Variants in NDP observed in about 807,000 individuals in gnomAD.
NDP encodes norrin.
A neutral mutation model predicts 8.4 loss-of-function variants in NDP; 2 were observed. The observed-to-expected ratio is 0.24, with a 90% CI of 0.10 to 0.75. The LOEUF (loss-of-function observed/expected upper bound fraction) is 0.75. Among genes scored for constraint, NDP ranks in the 30% least tolerant of loss-of-function variants. NDP has a pLI of 0.73. For synonymous variants in NDP, 55 were observed against 45.6 expected, an observed-to-expected ratio of 1.21 and a Z score of -0.83; for missense variants, 81 against 110.1, an observed-to-expected ratio of 0.74 and a Z score of 1.18.
At chrX:43,955,556 GC>G (rs753103783) in intron 2 of NDP, among the ~76,000 whole-genome samples, 138 of 112,613 alleles carry the variant, frequency 1.2e-3, no homozygotes, top group African/African-American at 4.3e-3. Flanking sequence ...CTGGTCTTTT[GC>G]CTGTTTGCTC....
chrX:43,961,626 G>A (rs1408947134), intron 1 of NDP, among the ~76,000 whole-genome samples: 10 of 111,426 alleles, frequency 9.0e-5, no homozygotes, highest in Admixed American at 6.6e-4. Flanking sequence ...ATATCTTTTC[G>A]TATTTTTAGA....
intron 2 of NDP, among the ~76,000 whole-genome samples, chrX:43,952,176 A>C (rs1284528400): frequency 1.8e-5 from 2 of 110,916 alleles, no homozygotes; most frequent in Non-Finnish European, 3.8e-5. Flanking sequence ...GTTTTGAGAG[A>C]CTATGCCATA....
At chrX:43,970,593 A>G (rs774078647) in intron 1 of NDP, among the ~76,000 whole-genome samples, 8 of 111,491 alleles carry the variant, frequency 7.2e-5, no homozygotes, top group African/African-American at 2.3e-4. Flanking sequence ...CTGTGTGGCT[A>G]TGATGGAGAC....
intron 1 of NDP, chrX:43,966,449 C>T (rs996224148): frequency 8.9e-6 from 1 of 111,799 alleles, no homozygotes; most frequent in Admixed American, 9.5e-5. Flanking sequence ...CTTCATTTCA[C>T]CCACTCCCTC....
chrX:43,961,088 A>G (rs986447068), intron 1 of NDP, among the ~76,000 whole-genome samples: 3 of 112,747 alleles, frequency 2.7e-5, no homozygotes, highest in Non-Finnish European at 5.6e-5. Flanking sequence ...TAAAAGTCTC[A>G]TTTAAGAGAA....
intron 1 of NDP, among the ~76,000 whole-genome samples, chrX:43,963,737 C>G (rs960479254): frequency 1.3e-4 from 15 of 112,503 alleles, no homozygotes; most frequent in Non-Finnish European, 2.6e-4. Flanking sequence ...CCAATTGGAT[C>G]TAGTCAACTA....
In NDP at chrX:43,948,940, C is replaced by T. The variant is rs1427063657; in HGVS notation, c.*859G>A. ...ATATTAGAGAATGATGCCCGTGACA[C>T]GGCTAAAGCTATAGCACACCCACAA... On this transcript the variant is annotated 3_prime_UTR_variant, in exon 3 of 3. Coordinates refer to ENST00000642620, the MANE Select transcript of NDP (RefSeq NM_000266.4). 8.9e-6 allele frequency: 1 copy of T among 111,886 alleles called. No individual in the cohort carries two copies. The highest frequency in any genetic ancestry group is 1.9e-5 in the Non-Finnish European group (1 of 53,214). 9.2% of individuals were successfully genotyped at this position (111,886 alleles called of 1,213,427 possible).
intron 2 of NDP, among the ~76,000 whole-genome samples, chrX:43,958,245 C>A (rs977309223): frequency 8.9e-6 from 1 of 112,194 alleles, no homozygotes; most frequent in East Asian, 2.8e-4. Context: ...ACAAAGGACA[C>A]CTGTCCCACT....
At chrX:43,970,811 T>C (rs985355261) in intron 1 of NDP, among the ~76,000 whole-genome samples, 1 of 111,450 alleles carries the variant, frequency 9.0e-6, no homozygotes, top group Non-Finnish European at 1.9e-5. Flanking sequence ...CTCACACCCA[T>C]CCCCAATAGA....
chrX:43,952,559 C>A (rs993663487), intron 2 of NDP, among the ~76,000 whole-genome samples: 6 of 111,948 alleles, frequency 5.4e-5, no homozygotes, highest in Non-Finnish European at 1.1e-4. Context: ...GGGCCATTAG[C>A]ACTGTCCATA....
At chrX:43,967,925 A>T (rs1172229171) in intron 1 of NDP, among the ~76,000 whole-genome samples, 1 of 111,374 alleles carries the variant, frequency 9.0e-6, no homozygotes, top group African/African-American at 3.3e-5. Flanking sequence ...TTGTCTGAAA[A>T]ATTCTTAGCT....
chrX:43,957,218 A>G (rs1249409619), intron 2 of NDP, among the ~76,000 whole-genome samples: 1 of 111,187 alleles, frequency 9.0e-6, no homozygotes, highest in Admixed American at 9.6e-5. Flanking sequence ...TGGGCCCACA[A>G]TTTCTGAGCA....
intron 1 of NDP, among the ~76,000 whole-genome samples, chrX:43,963,982 G>A (rs1416693332): frequency 8.9e-6 from 1 of 112,319 alleles, no homozygotes; most frequent in Non-Finnish European, 1.9e-5. Context: ...TATCTCCAAG[G>A]ATGGGCAGGC....
chrX:43,949,297 T>G lies in NDP; in HGVS notation c.*502A>C, dbSNP rs947039388. On this transcript the variant is annotated 3_prime_UTR_variant, in exon 3 of 3. Coordinates refer to ENST00000642620, the MANE Select transcript of NDP (RefSeq NM_000266.4). Reference sequence around the variant, plus strand: ...AACGTAGCTAAACATATCCACATGCTTGGTATCTGGACTTTGAAATCGGTA... The same window carrying G: ...AACGTAGCTAAACATATCCACATGCGTGGTATCTGGACTTTGAAATCGGTA... The G allele has an allele frequency of 1.5e-5, 2 of 130,729 alleles. No individual in the cohort carries two copies. Among genetic ancestry groups the G allele is most frequent in the Admixed American group, 7.8e-5 (1 of 12,834 alleles). 10.8% of individuals were successfully genotyped at this position (130,729 alleles called of 1,213,427 possible). A position where few individuals can be genotyped will look rare whatever the true frequency, so the allele number is the denominator to read the frequency against.
chrX:43,958,694 A>G lies in NDP; in HGVS notation c.-49T>C. ...GAAGAACAGCAGAGGGAGGCAGAGG[A>G]CAAAAAATTGGAAATGGCTTCACCT... On this transcript the variant is annotated 5_prime_UTR_variant, in exon 2 of 3. Coordinates refer to ENST00000642620, the MANE Select transcript of NDP (RefSeq NM_000266.4). 1.8e-6 allele frequency: 2 copies of G among 1,133,630 alleles called. No homozygotes were observed. Among genetic ancestry groups the G allele is most frequent in the Non-Finnish European group, 2.4e-6 (2 of 826,598 alleles). 93.4% of individuals were successfully genotyped at this position (1,133,630 alleles called of 1,213,427 possible).
At chrX:43,969,850 G>T (rs888543289) in intron 1 of NDP, among the ~76,000 whole-genome samples, 1 of 111,768 alleles carries the variant, frequency 8.9e-6, no homozygotes, top group African/African-American at 3.3e-5. Context: ...TGGGAGCAGT[G>T]GTGAGCAAAA....
chrX:43,956,721 G>T (rs1294947060), intron 2 of NDP, among the ~76,000 whole-genome samples: 3 of 112,029 alleles, frequency 2.7e-5, no homozygotes, highest in African/African-American at 9.7e-5. Flanking sequence ...AGTTTGGGAT[G>T]TTTGAAAACA....
At chrX:43,954,168 A>G (rs1253222865) in intron 2 of NDP, among the ~76,000 whole-genome samples, 3 of 112,077 alleles carry the variant, frequency 2.7e-5, no homozygotes, top group African/African-American at 6.5e-5. Context: ...AACCTCAGGA[A>G]CAAGATTCAC....
Position 43,958,695 on chromosome X carries a change from C to T in NDP, c.-50G>A. ...AAGAACAGCAGAGGGAGGCAGAGGACAAAAAATTGGAAATGGCTTCACCTC... is the reference window on the plus strand; with the variant it reads ...AAGAACAGCAGAGGGAGGCAGAGGATAAAAAATTGGAAATGGCTTCACCTC... On this transcript the variant is annotated 5_prime_UTR_variant, in exon 2 of 3. Coordinates refer to ENST00000642620, the MANE Select transcript of NDP (RefSeq NM_000266.4). 1.8e-6 allele frequency: 2 copies of T among 1,117,422 alleles called. No individual in the cohort carries two copies. Among genetic ancestry groups the T allele is most frequent in the Middle Eastern group, 2.7e-4 (1 of 3,703 alleles). The allele number at this position is 1,117,422 out of a possible 1,213,427, so 92.1% of individuals were successfully genotyped here.
Sources: gnomAD v4.1 joint callset for allele counts (sites outside exome capture counted in the v4.1 genomes callset) on GRCh38, gnomAD v4.1.1 for gene constraint, MANE v1.5 for transcripts, NCBI Gene and HGNC (gene_info 2026-07-23, HGNC 2026-07-21) for gene names.